The following DDX18 variants were observed in gnomAD, a reference collection of about 807,000 sequenced individuals.
DDX18 encodes DEAD-box helicase 18, also known as ATP-dependent RNA helicase DDX18.
Under a neutral mutation model 73.5 loss-of-function variants are expected in DDX18, and 23 were observed. The ratio of observed to expected loss-of-function variants is 0.31; its 90% CI spans 0.23 to 0.44. The LOEUF is 0.44. DDX18 is among the 20% of genes least tolerant of loss of function. DDX18 has a pLI of 1.00. For synonymous variants in DDX18, 268 were observed against 282.7 expected (o/e 0.95, Z 0.52); for missense variants, 753 against 792.9 (o/e 0.95, Z 0.60).
intron 10 of DDX18, 158 bp downstream of exon 10, chr2:117,825,757 T>C: frequency 1.2e-6 from 1 of 813,576 alleles, no homozygotes; most frequent in Non-Finnish European, 1.8e-6. Flanking sequence ...TACTTAAGGC[T>C]TTTCAGGGCT....
chr2:117,814,803 T>C lies in DDX18; in HGVS notation c.26T>C (p.Leu9Pro), dbSNP rs753110742. The C allele has an allele frequency of 1.9e-6, 3 of 1,614,092 alleles. No homozygotes were observed. The African/African-American group carries it at 4.0e-5, about 22-fold the overall frequency. Residue 9 changes from leucine (L) to proline (P), a missense_variant, in exon 1 of 14, where the codon CTG becomes CCG. Physicochemically the swap from Leu to Pro is moderately conservative, Grantham distance 98. This residue lies in a region of DDX18 where 345 missense variants were observed against 352.0 expected (regional missense o/e 0.98). Coordinates refer to ENST00000263239, the MANE Select transcript of DDX18 (RefSeq NM_006773.4). MSHLPMKLLRKKIEKRNLK... is the reference protein window; with the variant it reads MSHLPMKLPRKKIEKRNLK... The stretch of plus-strand genomic sequence containing the variant: ...ATGTCACACCTGCCGATGAAACTCC[T>C]GCGTAAGAAGATCGAGAAGCGGAAC...
intron 1 of DDX18, 49 bp from the exon 2 acceptor site, chr2:117,817,394 AG>A (rs758731106): frequency 1.1e-5 from 16 of 1,498,520 alleles, no homozygotes; most frequent in Middle Eastern, 2.5e-4. Flanking sequence ...AGTGTTTCTA[AG>A]TAAACTTCTC....
intron 11 of DDX18, chr2:117,828,500 T>C (rs1362244469): frequency 6.5e-6 from 1 of 153,362 alleles, no homozygotes; most frequent in Non-Finnish European, 1.5e-5. Flanking sequence ...TCTAGTTATC[T>C]AATGAGTGAT....
intron 11 of DDX18, 157 bp from the exon 12 acceptor site, chr2:117,828,792 G>A: frequency 3.3e-6 from 2 of 611,196 alleles, no homozygotes; most frequent in South Asian, 2.0e-5. Context: ...GAGCAAAGAT[G>A]TAACTTTCCC....
intron 3 of DDX18, 64 bp from the exon 4 acceptor site, chr2:117,821,097 A>C (rs1679839364): frequency 1.4e-6 from 2 of 1,412,472 alleles, no homozygotes; most frequent in East Asian, 4.9e-5. Flanking sequence ...GATTTAGGCA[A>C]CTGTAGCAAT....
At chr2:117,825,304 G>A in intron 9 of DDX18, 143 bp from the exon 10 acceptor site, 1 of 1,223,822 alleles carries the variant, frequency 8.2e-7, no homozygotes, top group South Asian at 1.4e-5. Context: ...CATCCTCCTT[G>A]AGGGGCTTGC....
intron 9 of DDX18, 24 bp downstream of exon 9, chr2:117,825,125 T>G: frequency 6.3e-7 from 1 of 1,599,772 alleles, no homozygotes; most frequent in Non-Finnish European, 8.5e-7. Flanking sequence ...ATGAGCTCAT[T>G]GAAAACAGGG....
intron 11 of DDX18, chr2:117,827,648 C>G (rs750588521): frequency 6.6e-6 from 1 of 152,190 alleles, no homozygotes; most frequent in African/African-American, 2.4e-5. Flanking sequence ...TCATCCATGT[C>G]CCTACAAAGG....
chr2:117,821,588 T>C lies in DDX18; in HGVS notation c.651-62T>C. On this transcript the variant is annotated intron_variant, in intron 4 of 13. Coordinates refer to ENST00000263239, the MANE Select transcript of DDX18 (RefSeq NM_006773.4). ...CTAGCCGTAGTGCCTAAGGTGTGTG[T>C]ATGTAGTACGTCGTAAATGAGTAGG... The C allele has an allele frequency of 1.3e-5, 20 of 1,559,036 alleles. No homozygotes were observed. The South Asian group carries it at 2.0e-4, about 16-fold the overall frequency.
chr2:117,814,949 T>A, intron 1 of DDX18, 87 bp downstream of exon 1: 2 of 1,354,790 alleles, frequency 1.5e-6, no homozygotes, highest in South Asian at 2.3e-5. Flanking sequence ...CTGCTCTGTG[T>A]GACGGAGGCA....
chr2:117,817,777 G>A (rs1357778662), intron 2 of DDX18, 49 bp downstream of exon 2: 14 of 1,533,900 alleles, frequency 9.1e-6, no homozygotes, highest in South Asian at 5.2e-5. Flanking sequence ...TTTCACAGAC[G>A]GTTATTGTTC....
At chr2:117,817,410 T>C (rs781249170) in intron 1 of DDX18, 34 bp from the exon 2 acceptor site, 31 of 1,529,726 alleles carry the variant, frequency 2.0e-5, no homozygotes, top group Non-Finnish European at 2.6e-5. Context: ...CTTCTCCTTC[T>C]TTGTCACAGT....
intron 10 of DDX18, 200 bp from the exon 11 acceptor site, chr2:117,826,069 C>G: frequency 9.8e-6 from 1 of 102,212 alleles, no homozygotes; most frequent in Non-Finnish European, 1.7e-5. Context: ...TTTTGGGCCT[C>G]AATCATTGGC....
rs1573414457 is a variant in DDX18 at position 117,829,330 on chromosome 2, A to G, written c.1734A>G (p.Ser578=). 1 of 1,607,758 alleles carries G rather than the reference A, an allele frequency of 6.2e-7. No homozygotes were observed. The highest frequency in any genetic ancestry group is 2.2e-5 in the East Asian group (1 of 44,840). The change falls in exon 13 of 14, where the codon TCA becomes TCG. Residue 578 remains serine, a synonymous_variant. Transcript: ENST00000263239. ...AAAAGAATTACTTTCTTCATAAGTC[A>G]GCCCAGGAAGCATATAAGTCATACA... is the stretch of plus-strand genomic sequence containing the variant. ...LIEKNYFLHK[S]AQEAYKSYIR...
At chr2:117,815,777 G>T (rs1431123849) in intron 1 of DDX18, 1 of 152,168 alleles carries the variant, frequency 6.6e-6, no homozygotes, top group Non-Finnish European at 1.5e-5. Context: ...AAACAAACAG[G>T]GAACCTTTGG....
At chr2:117,820,410 C>T (rs1296013305) in intron 3 of DDX18, among the ~76,000 whole-genome samples, 3 of 152,180 alleles carry the variant, frequency 2.0e-5, no homozygotes, top group African/African-American at 4.8e-5. Context: ...CAAGAATCTC[C>T]TCTGTCCCTA....
intron 1 of DDX18, chr2:117,815,229 T>C: frequency 4.4e-6 from 1 of 229,458 alleles, no homozygotes; most frequent in Middle Eastern, 1.6e-3. Flanking sequence ...TTATGCTGCA[T>C]GAAACGTCTC....
intron 1 of DDX18, 45 bp downstream of exon 1, chr2:117,814,907 G>T (rs754862540): frequency 7.4e-5 from 119 of 1,608,472 alleles, no homozygotes; most frequent in Admixed American, 4.7e-4. Context: ...CCACGCGCGA[G>T]CCCTGGCGCG....
In DDX18 at chr2:117,831,684, G is replaced by GA. The variant is rs1573415497; in HGVS notation, c.*967dup. 1 of 151,642 alleles carries GA rather than the reference G, an allele frequency of 6.6e-6. No individual in the cohort carries two copies. Among genetic ancestry groups the GA allele is most frequent in the East Asian group, 1.9e-4 (1 of 5,186 alleles). 9.4% of individuals were successfully genotyped at this position (151,642 alleles called of 1,614,324 possible). ...CACATTAATGTTAGCTTCTTTCTGAGAAAAAAATACCTCTTCCAGGCCCTG... is the reference window on the plus strand; with the variant it reads ...CACATTAATGTTAGCTTCTTTCTGAGAAAAAAAATACCTCTTCCAGGCCCTG... On this transcript the variant is annotated 3_prime_UTR_variant, in exon 14 of 14. Coordinates refer to ENST00000263239, the MANE Select transcript of DDX18 (RefSeq NM_006773.4).
Sources: allele counts gnomAD v4.1 joint callset (sites outside exome capture counted in the v4.1 genomes callset), GRCh38; gene constraint gnomAD v4.1.1; regional missense constraint gnomAD v4.1.1; transcripts MANE v1.5; gene names NCBI Gene and HGNC (gene_info 2026-07-23, HGNC 2026-07-21).